GPAT3: variants seen among roughly 807,000 people sequenced by gnomAD.
GPAT3 encodes 1-AGP acyltransferase 9.
A neutral mutation model predicts 58.8 loss-of-function variants in GPAT3; 53 were observed. The ratio of observed to expected loss-of-function variants is 0.90; its 90% confidence interval spans 0.72 to 1.13. GPAT3 has a LOEUF of 1.13. Among genes scored for constraint, GPAT3 ranks in the 50% most tolerant of loss-of-function variants. The pLI, the probability that GPAT3 is intolerant of heterozygous loss-of-function variation, is 0.00. For synonymous variants in GPAT3, 197 were observed against 187.4 expected (o/e 1.05, Z -0.42); for missense variants, 511 against 527.6 (o/e 0.97, Z 0.31).
intron 2 of GPAT3, among the ~76,000 whole-genome samples, chr4:83,563,371 C>T (rs1725251506): frequency 6.6e-6 from 1 of 151,934 alleles, no homozygotes; most frequent in African/African-American, 2.4e-5. Flanking sequence ...CTGACTACCT[C>T]TATCCCAAGT....
intron 2 of GPAT3, among the ~76,000 whole-genome samples, chr4:83,547,510 C>T (rs2110073247): frequency 2.6e-5 from 4 of 152,158 alleles, no homozygotes; most frequent in South Asian, 4.2e-4. Context: ...CCTCGGCCTC[C>T]CAAAGTGCTG....
intron 5 of GPAT3, among the ~76,000 whole-genome samples, chr4:83,589,626 A>C (rs1043336813): frequency 3.9e-5 from 6 of 152,204 alleles, no homozygotes; most frequent in African/African-American, 1.4e-4. Context: ...AAACCACTAA[A>C]AGTGATGTAT....
At position 83,536,559 on chromosome 4, in the gene GPAT3, G is replaced by A. The variant is rs1245529665; in HGVS notation, c.-64G>A. 3 of 1,572,716 alleles carry A rather than the reference G, an allele frequency of 1.9e-6. No homozygotes were observed. Among genetic ancestry groups the A allele is most frequent in the Non-Finnish European group, 2.6e-6 (3 of 1,157,490 alleles). The stretch of plus-strand genomic sequence containing the variant: ...TGGAGCTCCCGCGGGACTGCCTGGG[G>A]ACAGGGACTGCTGTGGCGCTCGGCC... On this transcript the variant is annotated 5_prime_UTR_variant, in exon 1 of 12. Coordinates refer to ENST00000264409, the MANE Select transcript of GPAT3 (RefSeq NM_032717.5).
chr4:83,594,696 TTTCAGACTATTTG>T, intron 6 of GPAT3, 136 bp from the exon 7 acceptor site: 1 of 602,122 alleles, frequency 1.7e-6, no homozygotes, highest in Non-Finnish European at 2.9e-6. Context: ...ACATTTGGCC[TTTCAGACTATTTG>T]ATCAGACTAA....
chr4:83,561,778 C>T (rs759586510), intron 2 of GPAT3, among the ~76,000 whole-genome samples: 32 of 149,328 alleles, frequency 2.1e-4, no homozygotes, highest in Non-Finnish European at 2.8e-4. Context: ...GATAACAAAA[C>T]TAATATCCTT....
At chr4:83,565,913 T>A (rs1725364323) in intron 2 of GPAT3, among the ~76,000 whole-genome samples, 2 of 152,224 alleles carry the variant, frequency 1.3e-5, no homozygotes, top group African/African-American at 4.8e-5. Flanking sequence ...AGGAGAACTC[T>A]GTGAGTTTCC....
At chr4:83,565,112 T>G (rs1197439922) in intron 2 of GPAT3, among the ~76,000 whole-genome samples, 1 of 151,968 alleles carries the variant, frequency 6.6e-6, no homozygotes, top group African/African-American at 2.4e-5. Flanking sequence ...ATTTATTTTA[T>G]TTTTTTGAGA....
At chr4:83,566,430 T>TATG (rs1725389135) in intron 2 of GPAT3, among the ~76,000 whole-genome samples, 1 of 147,898 alleles carries the variant, frequency 6.8e-6, no homozygotes, top group Non-Finnish European at 1.5e-5. Flanking sequence ...TTATTATTAT[T>TATG]ATTATTATTA....
Position 83,581,593 on chromosome 4 carries a change from A to T in GPAT3, c.240A>T (p.Glu80Asp), listed in dbSNP as rs370396366. 2 of 1,614,100 alleles carry T rather than the reference A, an allele frequency of 1.2e-6. No individual in the cohort carries two copies. Among genetic ancestry groups the T allele is most frequent in the Middle Eastern group, 1.6e-4 (1 of 6,062 alleles). ...GIIQRDESPM[E>D]KGLSGLRGRD... ...TCCAAAGAGATGAGTCACCCATGGA[A>T]AAAGGGCTCTCTGGTCTACGAGGAA... Residue 80 changes from glutamate (E) to aspartate (D), a missense_variant, in exon 3 of 12, where the codon GAA becomes GAT. Coordinates refer to ENST00000264409, the MANE Select transcript of GPAT3 (RefSeq NM_032717.5).
intron 2 of GPAT3, among the ~76,000 whole-genome samples, chr4:83,550,274 C>A (rs1197775153): frequency 6.6e-6 from 1 of 152,102 alleles, no homozygotes; most frequent in African/African-American, 2.4e-5. Flanking sequence ...CTCAAGCAAT[C>A]CATCTGCATC....
chr4:83,588,609 G>C (rs1019849682), intron 5 of GPAT3, among the ~76,000 whole-genome samples: 1 of 152,206 alleles, frequency 6.6e-6, no homozygotes, highest in African/African-American at 2.4e-5. Flanking sequence ...TATAGGGGAA[G>C]AAATGTAAGC....
At chr4:83,571,020 GTC>G (rs1234608921) in intron 2 of GPAT3, among the ~76,000 whole-genome samples, 2 of 151,986 alleles carry the variant, frequency 1.3e-5, no homozygotes, top group African/African-American at 4.8e-5. Context: ...TTCTGTCATC[GTC>G]TGTTTTTACT....
chr4:83,599,640 A>G (rs915541358), intron 11 of GPAT3, among the ~76,000 whole-genome samples: 16 of 152,202 alleles, frequency 1.1e-4, no homozygotes, highest in Non-Finnish European at 2.1e-4. Flanking sequence ...TATTGTAAGA[A>G]AACTGAACAA....
intron 3 of GPAT3, among the ~76,000 whole-genome samples, chr4:83,584,286 G>A (rs1726282810): frequency 6.6e-6 from 1 of 152,198 alleles, no homozygotes; most frequent in African/African-American, 2.4e-5. Context: ...TTTGGGCTAA[G>A]ATCAAGTGCA....
intron 3 of GPAT3, among the ~76,000 whole-genome samples, chr4:83,584,609 G>T (rs182675427): frequency 1.3e-5 from 2 of 152,286 alleles, no homozygotes; most frequent in East Asian, 3.9e-4. Flanking sequence ...GAGTTCAAGC[G>T]ATTCTTATGC....
chr4:83,598,751 CTTTTTTTTTTTTTTTTT>C lies in GPAT3; in HGVS notation c.1205+48_1205+64del, dbSNP rs70965361. On this transcript the variant is annotated intron_variant, in intron 11 of 11. Coordinates refer to ENST00000264409, the MANE Select transcript of GPAT3 (RefSeq NM_032717.5). ...AAGAGAACTTTCAGAAGTACTATCACTTTTTTTTTTTTTTTTTTTTTTTTTTTTTTTTTTTTAGAGAA... is the reference window on the plus strand; with the variant it reads ...AAGAGAACTTTCAGAAGTACTATCACTTTTTTTTTTTTTTTTTTTAGAGAA... 75 of 152,448 alleles carry C rather than the reference CTTTTTTTTTTTTTTTTT, an allele frequency of 4.9e-4. 1 individual carries two copies. The highest frequency in any genetic ancestry group is 3.0e-3 in the Middle Eastern group (2 of 664). The allele number at this position is 152,448 out of a possible 1,614,324, so 9.4% of individuals were successfully genotyped here. A position where few individuals can be genotyped will look rare whatever the true frequency, so the allele number is the denominator to read the frequency against.
chr4:83,555,299 G>A (rs931628751), intron 2 of GPAT3, among the ~76,000 whole-genome samples: 1 of 152,178 alleles, frequency 6.6e-6, no homozygotes, highest in South Asian at 2.1e-4. Flanking sequence ...CAGGATGGTG[G>A]CTGATTGCCA....
At chr4:83,542,355 A>G (rs1163887958) in intron 1 of GPAT3, among the ~76,000 whole-genome samples, 1 of 152,248 alleles carries the variant, frequency 6.6e-6, no homozygotes, top group Non-Finnish European at 1.5e-5. Flanking sequence ...ATTAGTCCAG[A>G]GTTTGAGAAC....
rs371056272 is a variant in GPAT3, at chr4:83,602,588, GA to G, written c.1206-2078del. Among the ~76,000 whole-genome samples the G allele has an allele frequency of 5.9e-3, 833 of 140,644 alleles. 3 individuals are homozygous for G. The highest frequency in any genetic ancestry group is 0.02 in the African/African-American group (765 of 38,828). 92.3% of individuals were successfully genotyped at this position (140,644 alleles called of 152,430 possible). On this transcript the variant is annotated intron_variant, in intron 11 of 11. Transcript: ENST00000264409. Reference sequence around the variant, plus strand: ...TAAGACCTGCTGCCATTGCAAAGGGGAATTGGATAAAATTTTGAAGTCTCTA... The same window carrying G: ...TAAGACCTGCTGCCATTGCAAAGGGGATTGGATAAAATTTTGAAGTCTCTA...
Sources: allele counts gnomAD v4.1 joint callset (sites outside exome capture counted in the v4.1 genomes callset), GRCh38; gene constraint gnomAD v4.1.1; transcripts MANE v1.5; gene names NCBI Gene and HGNC (gene_info 2026-07-23, HGNC 2026-07-21).